PCDH15: variants seen among roughly 807,000 people sequenced by gnomAD.
PCDH15 encodes the protein protocadherin related 15.
Under a neutral mutation model 178.5 loss-of-function variants are expected in PCDH15, and 129 were observed. That is an observed-to-expected ratio of 0.72 (90% CI 0.63 to 0.84). The LOEUF (loss-of-function observed/expected upper bound fraction) is 0.84. Ranked by LOEUF, PCDH15 falls within the 40% of genes least tolerant of loss-of-function variation. The probability of loss-of-function intolerance (pLI) is 0.00; values close to 1 mark genes in which losing one functional copy is unlikely to be tolerated. For missense variants in PCDH15, 2,230 were observed against 2,099.9 expected, an observed-to-expected ratio of 1.06 and a Z score of -1.21; for synonymous variants, 800 against 732.0, an observed-to-expected ratio of 1.09 and a Z score of -1.50.
At chr10:54,610,283 T>A (rs2092917225) in intron 2 of PCDH15, among the ~76,000 whole-genome samples, 3 of 151,928 alleles carry the variant, frequency 2.0e-5, no homozygotes, top group Admixed American at 6.6e-5. Flanking sequence ...TAACCCTTGA[T>A]CTTACCTTTA....
At chr10:54,746,248 T>C (rs1372630828) in intron 1 of PCDH15, among the ~76,000 whole-genome samples, 1 of 152,108 alleles carries the variant, frequency 6.6e-6, no homozygotes, top group African/African-American at 2.4e-5. Flanking sequence ...CAGCCAAAAA[T>C]GTTTCTAAGC....
chr10:55,244,284 C>CTT (rs1564926733), intron 1 of PCDH15, among the ~76,000 whole-genome samples: 9 of 151,810 alleles, frequency 5.9e-5, no homozygotes. Context: ...TTCTTTAATA[C>CTT]TTTTTTTAGT....
chr10:54,111,852 C>T (rs894354187), intron 15 of PCDH15, among the ~76,000 whole-genome samples: 5 of 151,498 alleles, frequency 3.3e-5, no homozygotes, highest in East Asian at 1.9e-4. Context: ...CTTGGCCAGG[C>T]GTGGTGGCTC....
chr10:55,422,578 T>A (rs35144111), intron 2 of PCDH15, among the ~76,000 whole-genome samples: 30,309 of 151,834 alleles, frequency 0.2, 4,006 homozygotes, highest in Non-Finnish European at 0.29. Flanking sequence ...TAATTTAGAA[T>A]TAAAAATAAC....
chr10:53,877,127 T>C (rs2080306131), intron 26 of PCDH15, among the ~76,000 whole-genome samples: 1 of 152,160 alleles, frequency 6.6e-6, no homozygotes, highest in Non-Finnish European at 1.5e-5. Flanking sequence ...GACTTGCATG[T>C]ATGTTATAAT....
At chr10:54,870,923 TA>T (rs1335385226) in intron 3 of PCDH15, among the ~76,000 whole-genome samples, 1 of 152,190 alleles carries the variant, frequency 6.6e-6, no homozygotes, top group Non-Finnish European at 1.5e-5. Flanking sequence ...GTTATCTACG[TA>T]GTAACTTAGC....
intron 3 of PCDH15, among the ~76,000 whole-genome samples, chr10:54,417,528 A>G (rs1483377567): frequency 6.6e-6 from 1 of 152,190 alleles, no homozygotes; most frequent in Non-Finnish European, 1.5e-5. Flanking sequence ...TTTCTTTTCA[A>G]TGATATAGAG....
chr10:53,871,120 T>C (rs1465941798), intron 26 of PCDH15, among the ~76,000 whole-genome samples: 1 of 150,760 alleles, frequency 6.6e-6, no homozygotes, highest in Non-Finnish European at 1.5e-5. Context: ...GGTCACAAGG[T>C]CAGGAGATGG....
chr10:54,625,723 G>A (rs2134556938), intron 2 of PCDH15, among the ~76,000 whole-genome samples: 1 of 152,234 alleles, frequency 6.6e-6, no homozygotes, highest in African/African-American at 2.4e-5. Flanking sequence ...TTTATCAGCA[G>A]CTTGAAAACA....
At chr10:54,636,586 C>A (rs2134826556) in intron 2 of PCDH15, among the ~76,000 whole-genome samples, 1 of 151,932 alleles carries the variant, frequency 6.6e-6, no homozygotes, top group East Asian at 1.9e-4. Context: ...CATATAATAG[C>A]AAATGAAGTG....
chr10:53,915,814 C>T (rs746222629), intron 25 of PCDH15, among the ~76,000 whole-genome samples: 3 of 152,170 alleles, frequency 2.0e-5, no homozygotes, highest in Non-Finnish European at 4.4e-5. Flanking sequence ...GCTTCAGCCT[C>T]CCAAAGTGCT....
At chr10:55,067,637 A>ATTTT (rs199554150) in intron 2 of PCDH15, among the ~76,000 whole-genome samples, 139 of 142,060 alleles carry the variant, frequency 9.8e-4, no homozygotes, top group African/African-American at 1.5e-3. Context: ...TGATAGTTCT[A>ATTTT]TTTTTTTTTT....
intron 2 of PCDH15, among the ~76,000 whole-genome samples, chr10:55,159,388 T>TATAC (rs1465817928): frequency 0.042 from 809 of 19,238 alleles, 7 homozygotes; most frequent in African/African-American, 0.063. Flanking sequence ...TATATATATA[T>TATAC]ACACACATAC....
chr10:54,113,843 G>GA (rs1189488479), intron 15 of PCDH15, among the ~76,000 whole-genome samples: 3 of 151,870 alleles, frequency 2.0e-5, no homozygotes, highest in Non-Finnish European at 4.4e-5. Flanking sequence ...AATTTATAAA[G>GA]AAAAAAAGGC....
At chr10:55,292,322 C>A (rs1036409793) in intron 1 of PCDH15, among the ~76,000 whole-genome samples, 6 of 152,106 alleles carry the variant, frequency 3.9e-5, no homozygotes, top group African/African-American at 1.4e-4. Context: ...GCTACAGGCC[C>A]CAAGCAAATC....
intron 3 of PCDH15, among the ~76,000 whole-genome samples, chr10:54,824,369 A>G (rs1262603602): frequency 6.6e-6 from 1 of 152,198 alleles, no homozygotes; most frequent in Non-Finnish European, 1.5e-5. Context: ...CAGAGAAGAA[A>G]AAAGAACAAC....
At chr10:55,265,989 T>C (rs1842283092) in intron 1 of PCDH15, among the ~76,000 whole-genome samples, 1 of 152,034 alleles carries the variant, frequency 6.6e-6, no homozygotes, top group Non-Finnish European at 1.5e-5. Flanking sequence ...GGTGCACCTA[T>C]TAACTGCTAA....
chr10:55,490,391 C>G (rs1395232558), intron 2 of PCDH15, among the ~76,000 whole-genome samples: 1 of 151,788 alleles, frequency 6.6e-6, no homozygotes, highest in African/African-American at 2.4e-5. Context: ...CACAAAACTC[C>G]ATGAGTCTGG....
chr10:55,077,438 T>TTCCTTCCTTCCTTCCTTC (rs773469694), intron 2 of PCDH15, among the ~76,000 whole-genome samples: 4 of 74,834 alleles, frequency 5.3e-5, no homozygotes, highest in African/African-American at 2.6e-4. Context: ...TTCCTTCCTT[T>TTCCTTCCTTCCTTCCTTC]CTTCCTTCCT....
Sources: gnomAD v4.1 joint callset for allele counts (sites outside exome capture counted in the v4.1 genomes callset) on GRCh38, gnomAD v4.1.1 for gene constraint, MANE v1.5 for transcripts, NCBI Gene and HGNC (gene_info 2026-07-23, HGNC 2026-07-21) for gene names.